The following EDNRB variants were observed in gnomAD, a reference collection of about 807,000 sequenced individuals.
EDNRB encodes the protein endothelin receptor type B.
Under a neutral mutation model 46.4 loss-of-function variants are expected in EDNRB, and 18 were observed. That is an observed-to-expected ratio of 0.39 (90% CI 0.27 to 0.57). The LOEUF (loss-of-function observed/expected upper bound fraction) is 0.57. Ranked by LOEUF, EDNRB falls within the 20% of genes least tolerant of loss-of-function variation. The pLI is 0.61. For missense variants in EDNRB, 434 were observed against 537.5 expected (o/e 0.81, Z 1.90); for synonymous variants, 213 against 204.9 (o/e 1.04, Z -0.34).
chr13:77,912,638 G>T (rs192030483), intron 1 of EDNRB, among the ~76,000 whole-genome samples: 2 of 152,226 alleles, frequency 1.3e-5, no homozygotes, highest in Admixed American at 1.3e-4. Context: ...ATAGATGGGT[G>T]TCAGGGTATT....
rs201739734 is a variant in EDNRB, at chr13:77,896,512, T to C, written c.*1688A>G. 3.0e-5 allele frequency: 48 copies of C among 1,579,990 alleles called. No homozygotes were observed. Among genetic ancestry groups the C allele is most frequent in the Non-Finnish European group, 3.9e-5 (45 of 1,160,926 alleles). On this transcript the variant is annotated 3_prime_UTR_variant, in exon 7 of 7. Coordinates refer to ENST00000646607, the MANE Select transcript of EDNRB (RefSeq NM_001122659.3). ...GTTTACTGTACCATCACATTCAATA[T>C]TGACAGAAAACAACATTACTAGCTT...
In EDNRB at chr13:77,903,585, A is replaced by C; in HGVS notation, c.506T>G (p.Phe169Cys). 1.9e-6 allele frequency: 3 copies of C among 1,612,780 alleles called. No homozygotes were observed. Among genetic ancestry groups the C allele is most frequent in the Non-Finnish European group, 2.5e-6 (3 of 1,179,218 alleles). Residue 169 changes from phenylalanine to cysteine, a missense_variant, in exon 2 of 7, where the codon TTT becomes TGT. Transcript: ENST00000646607. ...VYKLLAEDWP[F>C]GAEMCKLVPF... The stretch of plus-strand genomic sequence containing the variant: ...CACCAGCTTACACATCTCAGCTCCA[A>C]ATGGCCAGTCCTCTGCCAGCAGCTG...
chr13:77,900,693 C>G (rs369891478), intron 4 of EDNRB, 39 bp from the exon 5 acceptor site: 2 of 1,610,854 alleles, frequency 1.2e-6, no homozygotes, highest in Non-Finnish European at 1.7e-6. Context: ...AAAGATGGCT[C>G]ATTTTACTCA....
intron 1 of EDNRB, among the ~76,000 whole-genome samples, chr13:77,961,914 T>C (rs1881425132): frequency 6.6e-6 from 1 of 151,842 alleles, no homozygotes; most frequent in Non-Finnish European, 1.5e-5. Context: ...GAGAGAAGAA[T>C]CAAATAGATG....
chr13:77,920,286 A>G (rs1393462271), upstream of EDNRB, among the ~76,000 whole-genome samples: 1 of 152,160 alleles, frequency 6.6e-6, no homozygotes, highest in Non-Finnish European at 1.5e-5. Context: ...CTTTCTATCC[A>G]TTCTTGAGCT....
At chr13:77,912,871 A>G (rs1367733551) in intron 1 of EDNRB, among the ~76,000 whole-genome samples, 1 of 152,124 alleles carries the variant, frequency 6.6e-6, no homozygotes, top group Non-Finnish European at 1.5e-5. Context: ...GGAAATGAGA[A>G]CATTGTTATT....
At chr13:77,962,579 G>A (rs1183137016) in intron 1 of EDNRB, among the ~76,000 whole-genome samples, 3 of 152,146 alleles carry the variant, frequency 2.0e-5, no homozygotes, top group Non-Finnish European at 2.9e-5. Context: ...AGCCCTTCAT[G>A]CTAAAAACTC....
Position 77,918,424 on chromosome 13 carries a change from A to G in EDNRB, c.150T>C (p.Thr50=). Residue 50 remains threonine (T), a synonymous_variant, in exon 1 of 7, where the codon ACT becomes ACC. Transcript: ENST00000646607. This position sits in a 1 kb window ranked among gnomAD's most constrained non-coding sequence, Gnocchi z 4.5. The stretch of plus-strand genomic sequence containing the variant: ...TGGAACCCTTGGGCCATAAGGTCTT[A>G]GTGGGTGGCGTCATTATCTCTGCGG... ...LQTAEIMTPP[T]KTLWPKGSNA... The G allele has an allele frequency of 3.8e-6, 6 of 1,578,972 alleles. No individual in the cohort carries two copies. The highest frequency in any genetic ancestry group is 5.2e-6 in the Non-Finnish European group (6 of 1,163,594).
intron 2 of EDNRB, 25 bp downstream of exon 2, chr13:77,903,470 A>T: frequency 6.2e-7 from 1 of 1,611,038 alleles, no homozygotes; most frequent in Non-Finnish European, 8.5e-7. Context: ...TTCAGAATAT[A>T]CTTGGATTAA....
chr13:77,961,260 G>T (rs144949062), intron 1 of EDNRB, among the ~76,000 whole-genome samples: 1 of 151,964 alleles, frequency 6.6e-6, no homozygotes, highest in South Asian at 2.1e-4. Context: ...GCACCACGTC[G>T]CACTTATTCC....
intron 1 of EDNRB, among the ~76,000 whole-genome samples, chr13:77,937,584 A>G (rs1880603662): frequency 6.6e-6 from 1 of 152,196 alleles, no homozygotes; most frequent in African/African-American, 2.4e-5. Context: ...TACTTTGACT[A>G]TGCCTTCAGC....
intron 1 of EDNRB, among the ~76,000 whole-genome samples, chr13:77,928,646 C>T (rs971228881): frequency 4.6e-5 from 7 of 152,104 alleles, no homozygotes; most frequent in African/African-American, 1.7e-4. Flanking sequence ...CAGAAAAATA[C>T]AACTGGCCTT....
Position 77,903,243 on chromosome 13 carries a change from T to A in EDNRB, c.714A>T (p.Ile238=), listed in dbSNP as rs1381974824. Residue 238 remains isoleucine (I), a synonymous_variant, in exon 3 of 7, where the codon ATA becomes ATT. Coordinates refer to ENST00000646607, the MANE Select transcript of EDNRB (RefSeq NM_001122659.3). ...VSVVLAVPEA[I]GFDIITMDYK... is the part of the protein sequence containing the mutation. ...AGTCCATCGTAATTATATCAAAACCTATGGCTTCAGGGACAGCCAGAACCA... is the reference window on the plus strand; with the variant it reads ...AGTCCATCGTAATTATATCAAAACCAATGGCTTCAGGGACAGCCAGAACCA... 1.9e-6 allele frequency: 3 copies of A among 1,612,970 alleles called. No individual in the cohort carries two copies. In the Admixed American group the frequency reaches 5.0e-5, roughly 27 times the overall value.
At chr13:77,927,950 A>G (rs1413729045) in intron 1 of EDNRB, among the ~76,000 whole-genome samples, 4 of 152,088 alleles carry the variant, frequency 2.6e-5, no homozygotes, top group African/African-American at 9.7e-5. Flanking sequence ...ATGGTTTTAT[A>G]AATGAGAGTT....
upstream of EDNRB, among the ~76,000 whole-genome samples, chr13:77,920,470 T>C (rs1187646391): frequency 2.6e-5 from 4 of 152,180 alleles, no homozygotes; most frequent in Non-Finnish European, 5.9e-5. Context: ...ACCCATTCCA[T>C]GTAGCAGTTT....
At chr13:77,957,890 G>T (rs1012934750) in intron 1 of EDNRB, among the ~76,000 whole-genome samples, 1 of 152,144 alleles carries the variant, frequency 6.6e-6, no homozygotes, top group East Asian at 1.9e-4. Flanking sequence ...CCACTCAAAA[G>T]AAATCACATA....
upstream of EDNRB, among the ~76,000 whole-genome samples, chr13:77,924,163 G>T (rs938170270): frequency 6.6e-6 from 1 of 152,194 alleles, no homozygotes; most frequent in Non-Finnish European, 1.5e-5. Flanking sequence ...CAAAGCGAGG[G>T]ATCATCTGGG....
chr13:77,901,665 CAT>C (rs992963555), intron 3 of EDNRB, among the ~76,000 whole-genome samples: 8 of 152,064 alleles, frequency 5.3e-5, no homozygotes, highest in African/African-American at 1.9e-4. Flanking sequence ...AGCTCAGTAA[CAT>C]ATAAATCTAA....
chr13:77,972,267 C>T (rs1881757592), intron 1 of EDNRB, among the ~76,000 whole-genome samples: 1 of 152,178 alleles, frequency 6.6e-6, no homozygotes, highest in South Asian at 2.1e-4. Flanking sequence ...GGGCCTCTGG[C>T]CTGCCATGTG....
Sources: gnomAD v4.1 joint callset for allele counts (sites outside exome capture counted in the v4.1 genomes callset) on GRCh38, gnomAD v4.1.1 for gene constraint, Gnocchi (gnomAD v3.1) non-coding constraint, MANE v1.5 for transcripts, NCBI Gene and HGNC (gene_info 2026-07-23, HGNC 2026-07-21) for gene names.